The following RBFOX1 variants were observed in gnomAD, a reference collection of about 807,000 sequenced individuals.
The protein encoded by RBFOX1 is RNA binding protein fox-1 homolog 1.
Under a neutral mutation model 57.7 loss-of-function variants are expected in RBFOX1, and 8 were observed. The observed-to-expected ratio is 0.14, with a 90% confidence interval of 0.08 to 0.25. RBFOX1 has a LOEUF of 0.25. Among genes scored for constraint, RBFOX1 ranks in the 10% least tolerant of loss-of-function variants. RBFOX1 has a pLI of 1.00. For missense variants in RBFOX1, 611 were observed against 548.5 expected, an observed-to-expected ratio of 1.11 and a Z score of -1.14; for synonymous variants, 326 against 222.4, an observed-to-expected ratio of 1.47 and a Z score of -4.15.
chr16:5,840,952 A>G (rs540153882), intron 3 of RBFOX1, among the ~76,000 whole-genome samples: 2 of 152,234 alleles, frequency 1.3e-5, no homozygotes, highest in South Asian at 2.1e-4. Flanking sequence ...CTCTTAGGCT[A>G]TTGCAGGGGT....
chr16:7,427,883 A>C (rs1455591504), intron 4 of RBFOX1, among the ~76,000 whole-genome samples: 1 of 152,116 alleles, frequency 6.6e-6, no homozygotes, highest in Non-Finnish European at 1.5e-5. Context: ...CAAACCCCTG[A>C]CCTCAGATGA....
At chr16:5,640,425 A>G (rs1047180791) in intron 3 of RBFOX1, among the ~76,000 whole-genome samples, 1 of 152,066 alleles carries the variant, frequency 6.6e-6, no homozygotes, top group Non-Finnish European at 1.5e-5. Context: ...CCATGCACAC[A>G]TACACATGCA....
intron 4 of RBFOX1, among the ~76,000 whole-genome samples, chr16:7,454,920 C>G (rs1003333447): frequency 6.6e-6 from 1 of 152,146 alleles, no homozygotes; most frequent in Admixed American, 6.5e-5. Flanking sequence ...TTATATTTGG[C>G]CAGCCCTGGG....
At chr16:7,431,544 G>T (rs565634249) in intron 4 of RBFOX1, among the ~76,000 whole-genome samples, 4 of 152,106 alleles carry the variant, frequency 2.6e-5, no homozygotes, top group Non-Finnish European at 4.4e-5. Context: ...CACTGTGCCC[G>T]GCTTAATATG....
intron 3 of RBFOX1, among the ~76,000 whole-genome samples, chr16:7,051,801 C>T (rs1009908054): frequency 6.6e-6 from 1 of 152,132 alleles, no homozygotes; most frequent in African/African-American, 2.4e-5. Context: ...GCAGATGCTG[C>T]CTCCCACACA....
At chr16:5,676,510 G>A (rs2050173298) in intron 3 of RBFOX1, among the ~76,000 whole-genome samples, 1 of 152,188 alleles carries the variant, frequency 6.6e-6, no homozygotes, top group South Asian at 2.1e-4. Flanking sequence ...TTTTCCATGT[G>A]CAAAATGCAG....
intron 1 of RBFOX1, among the ~76,000 whole-genome samples, chr16:5,249,977 C>G (rs1254190029): frequency 5.5e-5 from 8 of 144,598 alleles, no homozygotes; most frequent in South Asian, 2.3e-4. Flanking sequence ...CAGTGAGGAG[C>G]AGATTGCAGT....
chr16:5,381,231 C>T (rs904273368), intron 1 of RBFOX1, among the ~76,000 whole-genome samples: 2 of 152,246 alleles, frequency 1.3e-5, no homozygotes, highest in Non-Finnish European at 2.9e-5. Flanking sequence ...AGGGCAGACC[C>T]TATGCCCTTG....
chr16:6,788,580 A>C (rs921193847), intron 3 of RBFOX1, among the ~76,000 whole-genome samples: 2 of 151,696 alleles, frequency 1.3e-5, no homozygotes, highest in African/African-American at 4.8e-5. Flanking sequence ...GGTTCACGCC[A>C]TTCTCCTGCC....
intron 3 of RBFOX1, among the ~76,000 whole-genome samples, chr16:6,760,320 A>G (rs566493333): frequency 5.9e-5 from 9 of 152,160 alleles, no homozygotes; most frequent in Non-Finnish European, 8.8e-5. Context: ...TCTGTTATCT[A>G]TGAAGGTGGA....
chr16:7,426,829 G>A (rs1158592451), intron 4 of RBFOX1, among the ~76,000 whole-genome samples: 8 of 152,184 alleles, frequency 5.3e-5, no homozygotes, highest in African/African-American at 1.9e-4. Flanking sequence ...CTGTCTGGGG[G>A]ACAGGTCCTT....
chr16:7,054,828 G>A (rs1193738155), intron 4 of RBFOX1, among the ~76,000 whole-genome samples: 2 of 152,280 alleles, frequency 1.3e-5, no homozygotes, highest in East Asian at 3.9e-4. Context: ...CTTCATTAGT[G>A]CATTCTGTTG....
At chr16:6,466,986 TATAA>T (rs1426995172) in intron 2 of RBFOX1, among the ~76,000 whole-genome samples, 3 of 151,586 alleles carry the variant, frequency 2.0e-5, no homozygotes, top group South Asian at 2.1e-4. Flanking sequence ...CTTAATGAAA[TATAA>T]ATTAATTACA....
At position 6,328,741 on chromosome 16, in the gene RBFOX1, T is replaced by G. The variant is rs553684590; in HGVS notation, c.-64+11684T>G. 5.3e-5 allele frequency among the ~76,000 whole-genome samples: 8 copies of G among 151,834 alleles called. No homozygotes were observed. In the South Asian group the frequency reaches 1.7e-3, roughly 32 times the overall value. On this transcript the variant is annotated intron_variant, in intron 2 of 15. Transcript: ENST00000550418. Reference sequence around the variant, plus strand: ...TTGTGAAGATTAAATAAAAATTCCTTTTTGGGAGGAGGGGATGCCTGTTAG... The same window carrying G: ...TTGTGAAGATTAAATAAAAATTCCTGTTTGGGAGGAGGGGATGCCTGTTAG...
chr16:6,691,099 T>C (rs1228837005), intron 3 of RBFOX1, among the ~76,000 whole-genome samples: 1 of 152,146 alleles, frequency 6.6e-6, no homozygotes, highest in Non-Finnish European at 1.5e-5. Context: ...TCTTGAGAGA[T>C]GTTGGGAAAA....
chr16:6,882,540 G>A (rs947215872), intron 3 of RBFOX1, among the ~76,000 whole-genome samples: 1 of 152,070 alleles, frequency 6.6e-6, no homozygotes, highest in Non-Finnish European at 1.5e-5. Context: ...AGGTTGCAGT[G>A]AGCTGAGATC....
chr16:6,811,362 C>T (rs2088514797), intron 3 of RBFOX1, among the ~76,000 whole-genome samples: 1 of 152,288 alleles, frequency 6.6e-6, no homozygotes, highest in East Asian at 1.9e-4. Context: ...GGGGTAGGAT[C>T]ACTTCTATTA....
In RBFOX1 at chr16:5,741,540, G is replaced by C. The variant is rs9989428; in HGVS notation, c.319-125763G>C. ...TTTGAGTGATTTAGAATATCAAGTT[G>C]GTATGATTTTTAATCATTAAAGGAG... On this transcript the variant is annotated intron_variant, in intron 3 of 19. Coordinates refer to the RBFOX1 transcript ENST00000641259. 4.9e-3 allele frequency among the ~76,000 whole-genome samples: 744 copies of C among 152,038 alleles called. 9 individuals carry two copies. Among genetic ancestry groups the C allele is most frequent in the African/African-American group, 0.017 (708 of 41,454 alleles).
chr16:7,490,797 C>A (rs1021219333), intron 4 of RBFOX1, among the ~76,000 whole-genome samples: 6 of 152,096 alleles, frequency 3.9e-5, no homozygotes, highest in Non-Finnish European at 8.8e-5. Flanking sequence ...CAAAAAGACC[C>A]ACCTAATAAA....
Sources: gnomAD v4.1 joint callset for allele counts (sites outside exome capture counted in the v4.1 genomes callset) on GRCh38, gnomAD v4.1.1 for gene constraint, MANE v1.5 for transcripts, NCBI Gene and HGNC (gene_info 2026-07-23, HGNC 2026-07-21) for gene names.